The following FXYD5 variants were observed in gnomAD, a reference collection of about 807,000 sequenced individuals.
FXYD5 encodes the protein FXYD domain-containing ion transport regulator 5.
In FXYD5, 21 loss-of-function variants were observed where a neutral mutation model predicts 25.7. The observed-to-expected ratio is 0.82, with a 90% CI of 0.58 to 1.18. The LOEUF is 1.18. Ranked by LOEUF, FXYD5 falls within the 50% of genes most tolerant of loss-of-function variation. FXYD5 has a pLI of 0.00. For synonymous variants in FXYD5, 101 were observed against 90.7 expected (o/e 1.11, Z -0.64); for missense variants, 229 against 227.7 (o/e 1.01, Z -0.04).
In FXYD5 at chr19:35,160,735, C is replaced by G. The variant is rs768706422; in HGVS notation, c.226C>G (p.Gln76Glu). The change falls in exon 5 of 9, where the codon CAG becomes GAG. Residue 76 changes from glutamine to glutamate, a missense_variant. By Grantham distance (29) the Gln-to-Glu change is conservative. Coordinates refer to ENST00000392219, the MANE Select transcript of FXYD5 (RefSeq NM_014164.6). ...DETPQPQTQT[Q>E]QLEGTDGPLV... is the part of the protein sequence containing the mutation. Reference sequence around the variant, plus strand: ...AACACCACAACCCCAGACCCAGACCCAGCAACTGGAAGGAACGGATGGGCC... The same window carrying G: ...AACACCACAACCCCAGACCCAGACCGAGCAACTGGAAGGAACGGATGGGCC... 8.1e-6 allele frequency: 13 copies of G among 1,613,636 alleles called. No individual in the cohort carries two copies. The highest frequency in any genetic ancestry group is 1.1e-5 in the Non-Finnish European group (13 of 1,179,616).
intron 5 of FXYD5, among the ~76,000 whole-genome samples, chr19:35,163,873 G>T (rs2065427117): frequency 6.6e-6 from 1 of 152,142 alleles, no homozygotes; most frequent in African/African-American, 2.4e-5. Context: ...TTATCTCCTG[G>T]ATTATAGTGT....
At chr19:35,163,258 A>G (rs752304144) in intron 5 of FXYD5, among the ~76,000 whole-genome samples, 9 of 152,006 alleles carry the variant, frequency 5.9e-5, no homozygotes, top group Non-Finnish European at 1.3e-4. Flanking sequence ...GCCAGTTCCT[A>G]TTTAGGGTGT....
At chr19:35,159,236 C>G (rs1383460429) in intron 4 of FXYD5, among the ~76,000 whole-genome samples, 1 of 152,106 alleles carries the variant, frequency 6.6e-6, no homozygotes, top group Admixed American at 6.5e-5. Flanking sequence ...CAAAACTAAA[C>G]CCCTTTGTCA....
chr19:35,164,269 G>A, intron 6 of FXYD5, 24 bp downstream of exon 6: 1 of 1,595,064 alleles, frequency 6.3e-7, no homozygotes, highest in Non-Finnish European at 8.6e-7. Flanking sequence ...TCCCCAGACT[G>A]GAAACAGGCT....
At chr19:35,168,956 G>A (rs1415130951) in intron 8 of FXYD5, among the ~76,000 whole-genome samples, 4 of 152,028 alleles carry the variant, frequency 2.6e-5, no homozygotes, top group Non-Finnish European at 5.9e-5. Flanking sequence ...CCAGCTACTC[G>A]GGAGGCTGAG....
chr19:35,163,953 G>A (rs530552198), intron 5 of FXYD5: 12 of 1,448,808 alleles, frequency 8.3e-6, no homozygotes, highest in African/African-American at 4.3e-5. Flanking sequence ...AGTCGCAACC[G>A]GGGCTATGTG....
At chr19:35,165,892 G>A (rs998184459) in intron 6 of FXYD5, among the ~76,000 whole-genome samples, 1 of 152,150 alleles carries the variant, frequency 6.6e-6, no homozygotes, top group African/African-American at 2.4e-5. Flanking sequence ...CCAGTGCAAA[G>A]GCCCTGAGGT....
chr19:35,162,710 A>G (rs902818452), intron 5 of FXYD5, among the ~76,000 whole-genome samples: 3 of 152,162 alleles, frequency 2.0e-5, no homozygotes, highest in East Asian at 1.9e-4. Flanking sequence ...GGTGGATAGA[A>G]TTCAGTCTAT....
chr19:35,158,412 A>AT lies in FXYD5; in HGVS notation c.199+12_199+13insT. On this transcript the variant is annotated intron_variant, in intron 4 of 8. Transcript: ENST00000392219. ...CTGGCCTGCTGATGGTGAGTAGTGC[A>AT]GGGGCAGGCGGCGGGGACAGGACCA... The AT allele has an allele frequency of 6.5e-7, 1 of 1,535,662 alleles. No individual in the cohort carries two copies. The highest frequency in any genetic ancestry group is 9.0e-7 in the Non-Finnish European group (1 of 1,108,994).
At position 35,166,168 on chromosome 19, in the gene FXYD5, T is replaced by C; in HGVS notation, c.409T>C (p.Tyr137His). 6.2e-7 allele frequency: 1 copy of C among 1,613,938 alleles called. No individual in the cohort carries two copies. Among genetic ancestry groups the C allele is most frequent in the Non-Finnish European group, 8.5e-7 (1 of 1,179,838 alleles). Reference sequence around the variant, plus strand: ...TTTTCATGAGGATGACCCCTTCTTCTATGGTAAGTTATCCACAGGAAGATG... The same window carrying C: ...TTTTCATGAGGATGACCCCTTCTTCCATGGTAAGTTATCCACAGGAAGATG... The part of the protein sequence containing the change: ...SGFHEDDPFF[Y>H]DEHTLRKRGL... Residue 137 changes from tyrosine to histidine, a missense_variant, in exon 7 of 9, where the codon TAT becomes CAT. Transcript: ENST00000392219.
intron 1 of FXYD5, chr19:35,155,273 G>A (rs1001734726): frequency 1.9e-6 from 1 of 537,022 alleles, no homozygotes; most frequent in Non-Finnish European, 3.3e-6. Context: ...TCTGCTTCAG[G>A]AGTGCCCGCC....
intron 8 of FXYD5, among the ~76,000 whole-genome samples, chr19:35,169,062 CAAA>C (rs58642459): frequency 1.6e-5 from 2 of 127,286 alleles, no homozygotes; most frequent in Admixed American, 7.8e-5. Context: ...GACTCTGTCT[CAAA>C]AAAAAAAAAA....
chr19:35,161,284 A>C (rs1215764463), intron 5 of FXYD5, among the ~76,000 whole-genome samples: 2 of 112,506 alleles, frequency 1.8e-5, no homozygotes, highest in African/African-American at 3.5e-5. Flanking sequence ...TGGAAAGTCC[A>C]GAAGTAGCCA....
intron 5 of FXYD5, among the ~76,000 whole-genome samples, chr19:35,163,814 A>T (rs1337158449): frequency 6.6e-6 from 1 of 151,962 alleles, no homozygotes; most frequent in Non-Finnish European, 1.5e-5. Flanking sequence ...GTTTCTCCAG[A>T]CTATGTAGCT....
At chr19:35,159,394 G>C in intron 4 of FXYD5, 3 of 1,381,618 alleles carry the variant, frequency 2.2e-6, no homozygotes, top group Non-Finnish European at 2.9e-6. Flanking sequence ...TGAGCTTAAG[G>C]AGACCTTATG....
chr19:35,166,240 T>C lies in FXYD5; in HGVS notation c.413-11T>C, dbSNP rs2065449485. 1.9e-6 allele frequency: 3 copies of C among 1,612,726 alleles called. No homozygotes were observed. Among genetic ancestry groups the C allele is most frequent in the South Asian group, 2.2e-5 (2 of 91,056 alleles). On this transcript the variant is annotated splice_polypyrimidine_tract_variant and intron_variant, in intron 7 of 8. Transcript: ENST00000392219. Reference sequence around the variant, plus strand: ...CCGTCTGACTCTACCCCTTCATTTTTCTCTCTGCAGATGAACACACCCTCC... The same window carrying C: ...CCGTCTGACTCTACCCCTTCATTTTCCTCTCTGCAGATGAACACACCCTCC...
Position 35,158,352 on chromosome 19 carries a change from T to C in FXYD5, c.151T>C (p.Tyr51His). 6.2e-7 allele frequency: 1 copy of C among 1,606,924 alleles called. No homozygotes were observed. The part of the protein sequence containing the change: ...QVPTRAPDAV[Y>H]TELQPTSPTP... Reference sequence around the variant, plus strand: ...TTGTTTCTGGACTCCAGATGCAGTCTACACAGAACTCCAGCCCACCTCTCC... The same window carrying C: ...TTGTTTCTGGACTCCAGATGCAGTCCACACAGAACTCCAGCCCACCTCTCC... The change falls in exon 4 of 9, where the codon TAC becomes CAC. Residue 51 changes from tyrosine (Y) to histidine (H), a missense_variant. By Grantham distance (83) the Tyr-to-His change is moderately conservative. Transcript: ENST00000392219.
chr19:35,161,920 C>G (rs1438310560), intron 5 of FXYD5, among the ~76,000 whole-genome samples: 1 of 152,174 alleles, frequency 6.6e-6, no homozygotes, highest in African/African-American at 2.4e-5. Flanking sequence ...TTCCAGTTTT[C>G]TAGTGATAGC....
intron 3 of FXYD5, 157 bp downstream of exon 3, chr19:35,157,658 GA>G (rs768441298): frequency 7.5e-6 from 4 of 534,448 alleles, no homozygotes; most frequent in Non-Finnish European, 1.4e-5. Context: ...GTGCTCAAAT[GA>G]TGCTATCAGA....
Sources: gnomAD v4.1 joint callset for allele counts (sites outside exome capture counted in the v4.1 genomes callset) on GRCh38, gnomAD v4.1.1 for gene constraint, MANE v1.5 for transcripts, NCBI Gene and HGNC (gene_info 2026-07-23, HGNC 2026-07-21) for gene names.